PCSK2: variants seen among roughly 807,000 people sequenced by gnomAD.
The protein encoded by PCSK2 is neuroendocrine convertase 2.
Under a neutral mutation model 69.7 loss-of-function variants are expected in PCSK2, and 14 were observed. That is an observed-to-expected ratio of 0.20 (90% confidence interval 0.13 to 0.31). The LOEUF is 0.31. Ranked by LOEUF, PCSK2 falls within the 10% of genes least tolerant of loss-of-function variation. The pLI, the probability that PCSK2 is intolerant of heterozygous loss-of-function variation, is 1.00. For synonymous variants in PCSK2, 307 were observed against 320.7 expected, an observed-to-expected ratio of 0.96 and a Z score of 0.46; for missense variants, 544 against 842.5, an observed-to-expected ratio of 0.65 and a Z score of 4.39.
intron 5 of PCSK2, among the ~76,000 whole-genome samples, chr20:17,394,168 C>T (rs1373437719): frequency 2.0e-5 from 3 of 152,126 alleles, no homozygotes; most frequent in African/African-American, 7.2e-5. Flanking sequence ...ATGATAATAA[C>T]AAAATAATAA....
At position 17,483,049 on chromosome 20, in the gene PCSK2, T is replaced by C. The variant is rs1435934552; in HGVS notation, c.*979T>C. On this transcript the variant is annotated 3_prime_UTR_variant, in exon 12 of 12. Coordinates refer to ENST00000262545, the MANE Select transcript of PCSK2 (RefSeq NM_002594.5). ...GAGTATTTTTTTTTTTTTACAGCTTTACACACACAGATGTGGGCTTTGATT... is the reference window on the plus strand; with the variant it reads ...GAGTATTTTTTTTTTTTTACAGCTTCACACACACAGATGTGGGCTTTGATT... 1 of 152,034 alleles carries C rather than the reference T, an allele frequency of 6.6e-6. No homozygotes were observed. The highest frequency in any genetic ancestry group is 1.5e-5 in the Non-Finnish European group (1 of 67,994). The allele number at this position is 152,034 out of a possible 1,614,324, so 9.4% of individuals were successfully genotyped here.
chr20:17,425,712 G>T (rs2032233754), intron 6 of PCSK2, among the ~76,000 whole-genome samples: 1 of 152,128 alleles, frequency 6.6e-6, no homozygotes, highest in South Asian at 2.1e-4. Flanking sequence ...TGTGTTCCTG[G>T]TGGAGCAGCT....
At chr20:17,366,432 A>C (rs1377231608) in intron 4 of PCSK2, among the ~76,000 whole-genome samples, 1 of 152,216 alleles carries the variant, frequency 6.6e-6, no homozygotes, top group African/African-American at 2.4e-5. Flanking sequence ...ATAGTTGTAC[A>C]GCTCAGGTTC....
Position 17,436,727 on chromosome 20 carries a change from G to A in PCSK2, c.729G>A (p.Gln243=). The A allele has an allele frequency of 1.2e-6, 2 of 1,613,376 alleles. No homozygotes were observed. The highest frequency in any genetic ancestry group is 2.2e-5 in the East Asian group (1 of 44,872). The change falls in exon 8 of 12, where the codon CAG becomes CAA. Residue 243 remains glutamine (Q), a synonymous_variant. Transcript: ENST00000262545. ...SKVAGIRMLD[Q]PFMTDIIEAS... is the part of the protein sequence containing the mutation. ...CCACAGGCATCCGGATGCTGGACCA[G>A]CCATTCATGACAGACATCATCGAGG...
At chr20:17,382,717 A>G (rs1218596956) in intron 5 of PCSK2, among the ~76,000 whole-genome samples, 1 of 151,882 alleles carries the variant, frequency 6.6e-6, no homozygotes, top group Non-Finnish European at 1.5e-5. Context: ...TCTCCCCAAA[A>G]CAAGCAGAAA....
At chr20:17,318,312 C>T (rs1989752110) in intron 2 of PCSK2, among the ~76,000 whole-genome samples, 1 of 152,112 alleles carries the variant, frequency 6.6e-6, no homozygotes, top group Admixed American at 6.5e-5. Flanking sequence ...TATGCCTGCC[C>T]TCTGTGAGAG....
intron 10 of PCSK2, among the ~76,000 whole-genome samples, chr20:17,461,225 C>T (rs1286373728): frequency 6.6e-6 from 1 of 152,174 alleles, no homozygotes; most frequent in East Asian, 1.9e-4. Context: ...TGAATTTCCT[C>T]TCACGTCCTT....
Position 17,230,333 on chromosome 20 carries a change from A to G in PCSK2, c.177+2851A>G, listed in dbSNP as rs142523831. On this transcript the variant is annotated intron_variant, in intron 1 of 11. Coordinates refer to ENST00000262545, the MANE Select transcript of PCSK2 (RefSeq NM_002594.5). The stretch of plus-strand genomic sequence containing the variant: ...CTAGAAGAACATGCTTTCTTATTAA[A>G]TTATCTCATTCTAAGCTCACAAATC... Among the ~76,000 whole-genome samples the G allele has an allele frequency of 7.4e-3, 1,133 of 152,302 alleles. 3 individuals are homozygous for G. Among genetic ancestry groups the G allele is most frequent in the East Asian group, 0.016 (84 of 5,186 alleles).
At chr20:17,283,211 G>A (rs1350534799) in intron 2 of PCSK2, among the ~76,000 whole-genome samples, 2 of 152,132 alleles carry the variant, frequency 1.3e-5, no homozygotes, top group Non-Finnish European at 2.9e-5. Context: ...ATAGAAAGAT[G>A]ATAGATAGAG....
intron 3 of PCSK2, among the ~76,000 whole-genome samples, chr20:17,359,502 A>G (rs976643800): frequency 5.9e-5 from 9 of 152,228 alleles, no homozygotes; most frequent in Admixed American, 3.9e-4. Context: ...CACTGCTTTC[A>G]TAAGCCCTTC....
chr20:17,338,177 G>T (rs1287308322), intron 2 of PCSK2, among the ~76,000 whole-genome samples: 1 of 145,282 alleles, frequency 6.9e-6, no homozygotes, highest in Non-Finnish European at 1.5e-5. Context: ...TTTTTGGGGG[G>T]GGGGGTTGTG....
chr20:17,420,546 T>C (rs1359108140), intron 6 of PCSK2, among the ~76,000 whole-genome samples: 1 of 152,190 alleles, frequency 6.6e-6, no homozygotes, highest in Non-Finnish European at 1.5e-5. Flanking sequence ...AAATTTTTCC[T>C]TCAGCTAAAA....
At chr20:17,356,925 C>A (rs990995186) in intron 2 of PCSK2, among the ~76,000 whole-genome samples, 1 of 152,056 alleles carries the variant, frequency 6.6e-6, no homozygotes, top group Non-Finnish European at 1.5e-5. Context: ...CTGCAGCAGG[C>A]GGGCACCTAG....
chr20:17,319,024 A>T (rs2123126962), intron 2 of PCSK2, among the ~76,000 whole-genome samples: 1 of 152,320 alleles, frequency 6.6e-6, no homozygotes, highest in Non-Finnish European at 1.5e-5. Flanking sequence ...AGAAAAACAT[A>T]TTTTTTCATC....
At chr20:17,468,686 G>A (rs187353781) in intron 11 of PCSK2, among the ~76,000 whole-genome samples, 6 of 145,572 alleles carry the variant, frequency 4.1e-5, no homozygotes, top group South Asian at 4.4e-4. Flanking sequence ...TCCTGTAGAC[G>A]GGCAGCCCAC....
intron 2 of PCSK2, among the ~76,000 whole-genome samples, chr20:17,270,882 C>T (rs1375008023): frequency 1.3e-5 from 2 of 152,116 alleles, no homozygotes; most frequent in Non-Finnish European, 2.9e-5. Context: ...TAACTGTGCT[C>T]TCCTTGAACA....
At chr20:17,328,612 G>A (rs1990128947) in intron 2 of PCSK2, among the ~76,000 whole-genome samples, 1 of 152,020 alleles carries the variant, frequency 6.6e-6, no homozygotes, top group Non-Finnish European at 1.5e-5. Flanking sequence ...GGTGAGAAAG[G>A]GTGCTATGTA....
chr20:17,288,692 A>T (rs1278322324), intron 2 of PCSK2, among the ~76,000 whole-genome samples: 1 of 152,218 alleles, frequency 6.6e-6, no homozygotes, highest in Non-Finnish European at 1.5e-5. Flanking sequence ...CACACAGAAG[A>T]AAGACCACAA....
chr20:17,261,601 T>C (rs976472155), intron 2 of PCSK2, among the ~76,000 whole-genome samples: 2 of 152,190 alleles, frequency 1.3e-5, no homozygotes, highest in African/African-American at 4.8e-5. Flanking sequence ...GGATCTGTCA[T>C]AGAAGCCGGC....
Sources: gnomAD v4.1 joint callset for allele counts (sites outside exome capture counted in the v4.1 genomes callset) on GRCh38, gnomAD v4.1.1 for gene constraint, MANE v1.5 for transcripts, NCBI Gene and HGNC (gene_info 2026-07-23, HGNC 2026-07-21) for gene names.